YAP1: variants seen among roughly 807,000 people sequenced by gnomAD.
YAP1 encodes the protein transcriptional coactivator YAP1.
Under a neutral mutation model 56.9 loss-of-function variants are expected in YAP1, and 5 were observed. The ratio of observed to expected loss-of-function variants is 0.09; its 90% confidence interval spans 0.05 to 0.18. The LOEUF (loss-of-function observed/expected upper bound fraction) is 0.18. YAP1 is among the 10% of genes least tolerant of loss of function. The pLI is 1.00. For synonymous variants in YAP1, 265 were observed against 248.1 expected, an observed-to-expected ratio of 1.07 and a Z score of -0.64; for missense variants, 539 against 651.8, an observed-to-expected ratio of 0.83 and a Z score of 1.88.
chr11:102,218,403 CTG>C (rs1009244962), intron 6 of YAP1, among the ~76,000 whole-genome samples: 2 of 152,298 alleles, frequency 1.3e-5, no homozygotes, highest in African/African-American at 2.4e-5. Context: ...ACTGTTATAA[CTG>C]TGTTGTCATT....
chr11:102,137,141 T>C (rs186145761), intron 2 of YAP1, among the ~76,000 whole-genome samples: 12 of 152,344 alleles, frequency 7.9e-5, no homozygotes, highest in Admixed American at 3.3e-4. Context: ...TTCTATAATC[T>C]GAAGATGGAA....
intron 3 of YAP1, among the ~76,000 whole-genome samples, chr11:102,174,311 T>C (rs1947101501): frequency 6.6e-6 from 1 of 152,100 alleles, no homozygotes; most frequent in Non-Finnish European, 1.5e-5. Context: ...AAATCTATTA[T>C]TTACAGGCCG....
At chr11:102,228,355 C>G (rs1591482229) in intron 8 of YAP1, among the ~76,000 whole-genome samples, 1 of 151,978 alleles carries the variant, frequency 6.6e-6, no homozygotes, top group Non-Finnish European at 1.5e-5. Context: ...TTGCAGAAGG[C>G]CAGGTGCGGT....
intron 3 of YAP1, among the ~76,000 whole-genome samples, chr11:102,185,781 T>G (rs1260138016): frequency 6.6e-6 from 1 of 150,688 alleles, no homozygotes; most frequent in Non-Finnish European, 1.5e-5. Context: ...GGAAAAAAAT[T>G]TTTTTTCTTC....
chr11:102,210,008 C>A (rs1949316081), intron 6 of YAP1, among the ~76,000 whole-genome samples: 2 of 152,118 alleles, frequency 1.3e-5, no homozygotes, highest in African/African-American at 4.8e-5. Context: ...GAGAAAAATT[C>A]TTTCTAGTGG....
intron 2 of YAP1, among the ~76,000 whole-genome samples, chr11:102,117,381 G>C (rs1422991304): frequency 6.6e-6 from 1 of 152,200 alleles, no homozygotes; most frequent in Non-Finnish European, 1.5e-5. Flanking sequence ...TGTTGGAACT[G>C]ACTTTTAAGT....
chr11:102,232,322 T>G lies in YAP1; in HGVS notation c.*2382T>G, dbSNP rs772181000. 1 of 151,886 alleles carries G rather than the reference T, an allele frequency of 6.6e-6. No homozygotes were observed. The highest frequency in any genetic ancestry group is 1.5e-5 in the Non-Finnish European group (1 of 67,986). The allele number at this position is 151,886 out of a possible 1,614,324, so 9.4% of individuals were successfully genotyped here. ...ATTTAGGGGGACCTTGATAGAGAAC[T>G]TTATAAACTTCTTTCTCTTTAATAA... On this transcript the variant is annotated 3_prime_UTR_variant, in exon 9 of 9. Coordinates refer to ENST00000282441, the MANE Select transcript of YAP1 (RefSeq NM_001130145.3).
At chr11:102,194,415 G>A (rs1274958945) in intron 4 of YAP1, among the ~76,000 whole-genome samples, 2 of 152,118 alleles carry the variant, frequency 1.3e-5, no homozygotes, top group Admixed American at 6.5e-5. Context: ...TTCTGGACTT[G>A]CTTCAACTTG....
intron 2 of YAP1, among the ~76,000 whole-genome samples, chr11:102,127,405 T>A (rs1591152560): frequency 6.6e-6 from 1 of 152,190 alleles, no homozygotes; most frequent in African/African-American, 2.4e-5. Context: ...GGGGCCAACG[T>A]ATGGCTCAGG....
chr11:102,126,817 T>C (rs1944061591), intron 2 of YAP1, among the ~76,000 whole-genome samples: 1 of 152,210 alleles, frequency 6.6e-6, no homozygotes, highest in Non-Finnish European at 1.5e-5. Context: ...ACTTCTTGAA[T>C]GGCTTTGACA....
intron 3 of YAP1, among the ~76,000 whole-genome samples, 200 bp downstream of exon 3, chr11:102,162,771 G>C (rs1255164967): frequency 6.6e-6 from 1 of 152,120 alleles, no homozygotes; most frequent in Admixed American, 6.6e-5. Flanking sequence ...TAACGCATAA[G>C]GGGGCCGATA....
intron 6 of YAP1, among the ~76,000 whole-genome samples, chr11:102,220,852 A>G (rs1949892330): frequency 6.6e-6 from 1 of 152,204 alleles, no homozygotes; most frequent in Non-Finnish European, 1.5e-5. Context: ...ATTTCGGTGT[A>G]AAGGCGATCC....
At position 102,207,212 on chromosome 11, in the gene YAP1, CAAAAT is replaced by C. The variant is rs1412169981; in HGVS notation, c.984+1141_984+1145del. ...AGATGTACAGAGGTGAAAGTACACT[CAAAAT>C]AAGATCTTTTCCCTGTTTTTCTAGT... is the stretch of plus-strand genomic sequence containing the variant. On this transcript the variant is annotated intron_variant, in intron 5 of 8. Coordinates refer to ENST00000282441, the MANE Select transcript of YAP1 (RefSeq NM_001130145.3). Among the ~76,000 whole-genome samples, 5 of 152,120 alleles carry C rather than the reference CAAAAT, an allele frequency of 3.3e-5. No individual in the cohort carries two copies. The East Asian group carries it at 5.8e-4, about 18-fold the overall frequency.
chr11:102,148,056 A>G (rs1945421901), intron 2 of YAP1, among the ~76,000 whole-genome samples: 1 of 152,186 alleles, frequency 6.6e-6, no homozygotes, highest in Non-Finnish European at 1.5e-5. Flanking sequence ...CTTTATGACT[A>G]TCCTTGGTTA....
rs1407620472 is a variant in YAP1, at chr11:102,192,767, G to C, written c.802+6636G>C. On this transcript the variant is annotated intron_variant, in intron 4 of 8. Coordinates refer to ENST00000282441, the MANE Select transcript of YAP1 (RefSeq NM_001130145.3). ...GATTTGAGTGCATTGAGGTTTCAGA[G>C]ATACTTTTGAACTATTTATTGCACC... Among the ~76,000 whole-genome samples, 7 of 152,206 alleles carry C rather than the reference G, an allele frequency of 4.6e-5. 1 individual carries two copies. Among genetic ancestry groups the C allele is most frequent in the Non-Finnish European group, 1.0e-4 (7 of 68,040 alleles).
intron 3 of YAP1, among the ~76,000 whole-genome samples, chr11:102,164,754 C>G (rs1946499297): frequency 6.6e-6 from 1 of 151,426 alleles, no homozygotes. Flanking sequence ...TGGAGTTTTG[C>G]TCTTGTAGCC....
chr11:102,228,049 CA>C (rs35908272), intron 8 of YAP1, among the ~76,000 whole-genome samples: 35,316 of 111,470 alleles, frequency 0.32, 4,116 homozygotes, highest in East Asian at 0.41. Flanking sequence ...GACCTCTTCT[CA>C]AAAAAAAAAA....
chr11:102,158,152 T>C (rs1159621306), intron 2 of YAP1, among the ~76,000 whole-genome samples: 5 of 152,230 alleles, frequency 3.3e-5, no homozygotes, highest in Non-Finnish European at 7.3e-5. Flanking sequence ...ACAAGTTTTT[T>C]AGTTTAGAAG....
chr11:102,186,183 T>G (rs1947935401), intron 4 of YAP1, 52 bp downstream of exon 4: 1 of 1,580,336 alleles, frequency 6.3e-7, no homozygotes, highest in Admixed American at 1.8e-5. Flanking sequence ...CTAATTTTTT[T>G]TGTAAATATA....
Sources: allele counts gnomAD v4.1 joint callset (sites outside exome capture counted in the v4.1 genomes callset), GRCh38; gene constraint gnomAD v4.1.1; transcripts MANE v1.5; gene names NCBI Gene and HGNC (gene_info 2026-07-23, HGNC 2026-07-21).